ANGPT1: variants seen among roughly 807,000 people sequenced by gnomAD.
ANGPT1 encodes angiopoietin 1.
A neutral mutation model predicts 62.2 loss-of-function variants in ANGPT1; 17 were observed. The observed-to-expected ratio is 0.27, with a 90% CI of 0.19 to 0.41. The LOEUF is 0.41. Ranked by LOEUF, ANGPT1 falls within the 10% of genes least tolerant of loss-of-function variation. The probability of loss-of-function intolerance (pLI) is 1.00; values close to 1 mark genes in which losing one functional copy is unlikely to be tolerated. For synonymous variants in ANGPT1, 199 were observed against 198.9 expected (o/e 1.00, Z 0.00); for missense variants, 478 against 594.9 (o/e 0.80, Z 2.04).
chr8:107,324,807 A>G (rs1303138765), intron 3 of ANGPT1, among the ~76,000 whole-genome samples: 60 of 152,174 alleles, frequency 3.9e-4, no homozygotes, highest in Admixed American at 3.9e-3. Flanking sequence ...ATTGAGACCC[A>G]TTAGCAGAAA....
chr8:107,276,567 A>G (rs1371851247), intron 7 of ANGPT1, among the ~76,000 whole-genome samples: 1 of 152,102 alleles, frequency 6.6e-6, no homozygotes, highest in Non-Finnish European at 1.5e-5. Flanking sequence ...ATTCTTTTCA[A>G]TCCACATGAA....
intron 3 of ANGPT1, among the ~76,000 whole-genome samples, chr8:107,335,216 A>C (rs970887695): frequency 6.6e-6 from 1 of 152,096 alleles, no homozygotes; most frequent in Non-Finnish European, 1.5e-5. Flanking sequence ...CTGTTCCCTC[A>C]CTTGTAAAGA....
chr8:107,339,449 C>T (rs1254727909), intron 2 of ANGPT1, among the ~76,000 whole-genome samples: 2 of 152,138 alleles, frequency 1.3e-5, no homozygotes, highest in Non-Finnish European at 2.9e-5. Context: ...CTTGCAGTTT[C>T]CTCTGCTTGG....
chr8:107,355,370 C>T (rs1243361961), intron 1 of ANGPT1, among the ~76,000 whole-genome samples: 3 of 152,152 alleles, frequency 2.0e-5, no homozygotes, highest in Admixed American at 1.3e-4. Context: ...GACTTGCCTC[C>T]TCCAATCCAT....
Position 107,321,979 on chromosome 8 carries a change from G to A in ANGPT1, c.725C>T (p.Thr242Ile), listed in dbSNP as rs1219979531. 23 of 1,613,984 alleles carry A rather than the reference G, an allele frequency of 1.4e-5. No individual in the cohort carries two copies. The highest frequency in any genetic ancestry group is 1.8e-5 in the Non-Finnish European group (21 of 1,179,908). Residue 242 changes from threonine to isoleucine, a missense_variant, in exon 4 of 9, where the codon ACC (threonine) becomes ATC (isoleucine). By Grantham distance (89) the Thr-to-Ile change is moderately conservative. Coordinates refer to ENST00000517746, the MANE Select transcript of ANGPT1 (RefSeq NM_001146.5). ...ELEKQLNRAT[T>I]NNSVLQKQQL... ...CTGCTTCTGAAGGACACTGTTGTTGGTGGTAGCTCTGTTTAATTGCTTTTC... is the reference window on the plus strand; with the variant it reads ...CTGCTTCTGAAGGACACTGTTGTTGATGGTAGCTCTGTTTAATTGCTTTTC...
chr8:107,464,559 C>T (rs1225790472), intron 1 of ANGPT1, among the ~76,000 whole-genome samples: 4 of 151,922 alleles, frequency 2.6e-5, no homozygotes, highest in East Asian at 1.9e-4. Flanking sequence ...CTTCTAGGAG[C>T]GGATCTAGAA....
intron 1 of ANGPT1, among the ~76,000 whole-genome samples, chr8:107,474,252 T>TCTC (rs1812448129): frequency 6.6e-6 from 1 of 152,118 alleles, no homozygotes; most frequent in Non-Finnish European, 1.5e-5. Context: ...CAAGTGGGCT[T>TCTC]CATCCTGGGA....
chr8:107,293,242 G>A (rs1814324620), intron 6 of ANGPT1, among the ~76,000 whole-genome samples: 2 of 148,796 alleles, frequency 1.3e-5, no homozygotes, highest in South Asian at 4.4e-4. Context: ...GATGATGCCT[G>A]CTGTTATTTT....
In ANGPT1 at chr8:107,251,614, C is replaced by T. The variant is rs1813249293; in HGVS notation, c.*241G>A. ...AGCAGTTTCTTCCCTTTTTAAAGCC[C>T]GACAGTCAGTGGAGTTTTCTATAGT... On this transcript the variant is annotated 3_prime_UTR_variant, in exon 9 of 9. Coordinates refer to ENST00000517746, the MANE Select transcript of ANGPT1 (RefSeq NM_001146.5). The T allele has an allele frequency of 1.2e-5, 5 of 429,530 alleles. No homozygotes were observed. Among genetic ancestry groups the T allele is most frequent in the South Asian group, 4.5e-5 (1 of 22,190 alleles). The allele number at this position is 429,530 out of a possible 1,614,324, so 26.6% of individuals were successfully genotyped here.
intron 7 of ANGPT1, among the ~76,000 whole-genome samples, chr8:107,272,775 C>T (rs958858158): frequency 6.6e-6 from 1 of 150,420 alleles, no homozygotes; most frequent in Non-Finnish European, 1.5e-5. Context: ...TATATGAGAT[C>T]TGTGACAATG....
chr8:107,434,792 A>G (rs569658741), intron 1 of ANGPT1, among the ~76,000 whole-genome samples: 10 of 152,142 alleles, frequency 6.6e-5, no homozygotes, highest in Non-Finnish European at 1.5e-4. Flanking sequence ...TTTAGAAAAT[A>G]ATTATTTGAA....
chr8:107,387,815 A>G (rs1378535710), intron 1 of ANGPT1, among the ~76,000 whole-genome samples: 1 of 151,948 alleles, frequency 6.6e-6, no homozygotes, highest in South Asian at 2.1e-4. Context: ...ATTTTGTATT[A>G]TAGGAGGAAC....
intron 1 of ANGPT1, among the ~76,000 whole-genome samples, chr8:107,393,293 G>T (rs187284224): frequency 6.6e-6 from 1 of 152,162 alleles, no homozygotes; most frequent in East Asian, 1.9e-4. Flanking sequence ...GGGCTTGAGA[G>T]GGGGAGAGGG....
At chr8:107,286,167 C>T (rs932815307) in intron 6 of ANGPT1, among the ~76,000 whole-genome samples, 29 of 152,104 alleles carry the variant, frequency 1.9e-4, no homozygotes, top group Non-Finnish European at 2.9e-5. Context: ...ACCTCCTCTG[C>T]CAACTGAGTT....
intron 1 of ANGPT1, among the ~76,000 whole-genome samples, chr8:107,364,055 TA>T: frequency 6.6e-6 from 1 of 152,142 alleles, no homozygotes. Context: ...AGGCTGGCCA[TA>T]AAGTCTATAG....
rs183501973 is a variant in ANGPT1, at chr8:107,250,656, G to T, written c.*1199C>A. On this transcript the variant is annotated 3_prime_UTR_variant, in exon 9 of 9. Transcript: ENST00000517746. ...TTAATTAGCTATTAGGTTTTTTGCA[G>T]ATATAAACATGCTATGTACAATGAT... is the stretch of plus-strand genomic sequence containing the variant. 3 of 152,074 alleles carry T rather than the reference G, an allele frequency of 2.0e-5. No homozygotes were observed. Among genetic ancestry groups the T allele is most frequent in the African/African-American group, 7.2e-5 (3 of 41,528 alleles). 9.4% of individuals were successfully genotyped at this position (152,074 alleles called of 1,614,324 possible). A position where few individuals can be genotyped will look rare whatever the true frequency, so the allele number is the denominator to read the frequency against.
intron 1 of ANGPT1, among the ~76,000 whole-genome samples, chr8:107,473,398 A>T (rs1812415380): frequency 6.6e-6 from 1 of 152,022 alleles, no homozygotes; most frequent in South Asian, 2.1e-4. Context: ...TACAGAATTC[A>T]CATGCCTGCA....
intron 8 of ANGPT1, among the ~76,000 whole-genome samples, chr8:107,253,229 AAAC>A (rs1813286180): frequency 6.6e-6 from 1 of 152,206 alleles, no homozygotes; most frequent in African/African-American, 2.4e-5. Flanking sequence ...AACTGTATGC[AAAC>A]AACATAAATG....
chr8:107,375,390 G>A (rs910040580), intron 1 of ANGPT1, among the ~76,000 whole-genome samples: 2 of 151,954 alleles, frequency 1.3e-5, no homozygotes, highest in African/African-American at 4.8e-5. Flanking sequence ...ATTAAGCCAG[G>A]GGACAATGGT....
Sources: allele counts gnomAD v4.1 joint callset (sites outside exome capture counted in the v4.1 genomes callset), GRCh38; gene constraint gnomAD v4.1.1; transcripts MANE v1.5; gene names NCBI Gene and HGNC (gene_info 2026-07-23, HGNC 2026-07-21).